Variants in EPHB1 observed in about 807,000 individuals in gnomAD.
EPHB1 encodes ephrin type-B receptor 1.
A neutral mutation model predicts 94.4 loss-of-function variants in EPHB1; 30 were observed. The ratio of observed to expected loss-of-function variants is 0.32; its 90% CI spans 0.24 to 0.43. The LOEUF (loss-of-function observed/expected upper bound fraction) is 0.43. Among genes scored for constraint, EPHB1 ranks in the 20% least tolerant of loss-of-function variants. The pLI, the probability that EPHB1 is intolerant of heterozygous loss-of-function variation, is 1.00. For missense variants in EPHB1, 1,055 were observed against 1,308.3 expected (o/e 0.81, Z 2.99); for synonymous variants, 522 against 489.1 (o/e 1.07, Z -0.89).
At chr3:134,949,209 T>C (rs1052041025) in intron 2 of EPHB1, among the ~76,000 whole-genome samples, 21 of 152,062 alleles carry the variant, frequency 1.4e-4, no homozygotes, top group African/African-American at 5.1e-4. Context: ...CAGGAGCTGA[T>C]CTGTTGGTGA....
chr3:135,135,325 C>T (rs547136179), intron 5 of EPHB1, among the ~76,000 whole-genome samples: 4 of 152,142 alleles, frequency 2.6e-5, no homozygotes, highest in South Asian at 2.1e-4. Flanking sequence ...AGGGTGCCAT[C>T]GCACTGATTT....
intron 15 of EPHB1, among the ~76,000 whole-genome samples, chr3:135,253,014 C>G (rs1347731114): frequency 7.1e-6 from 1 of 141,602 alleles, no homozygotes; most frequent in Non-Finnish European, 1.6e-5. Flanking sequence ...TAAATGTCTT[C>G]TTTTGAGAAG....
In EPHB1 at chr3:135,259,029, G is replaced by A; in HGVS notation, c.2864G>A (p.Gly955Asp). Residue 955 changes from glycine (G) to aspartate (D), a missense_variant, in exon 16 of 16, where the codon GGC becomes GAC. Transcript: ENST00000398015. ...CCTCCTAGAGACCTCCTGAGAATAGGCATCACCTTGGCAGGCCATCAGAAG... is the reference window on the plus strand; with the variant it reads ...CCTCCTAGAGACCTCCTGAGAATAGACATCACCTTGGCAGGCCATCAGAAG... ...QMTSEDLLRIGITLAGHQKKI... is the reference protein window; with the variant it reads ...QMTSEDLLRIDITLAGHQKKI... The A allele has an allele frequency of 2.5e-6, 4 of 1,608,164 alleles. No individual in the cohort carries two copies. Among genetic ancestry groups the A allele is most frequent in the Non-Finnish European group, 3.4e-6 (4 of 1,177,424 alleles).
At chr3:134,881,312 T>C (rs1489620586) in intron 1 of EPHB1, among the ~76,000 whole-genome samples, 1 of 152,066 alleles carries the variant, frequency 6.6e-6, no homozygotes, top group Non-Finnish European at 1.5e-5. Context: ...TGCAGTATGT[T>C]GTATGTAGAT....
chr3:135,035,179 G>A (rs544265788), intron 3 of EPHB1, among the ~76,000 whole-genome samples: 1 of 152,318 alleles, frequency 6.6e-6, no homozygotes, highest in East Asian at 1.9e-4. Context: ...CACGAAGTGG[G>A]GATGGGTTGT....
chr3:135,193,528 T>C (rs1942515340), intron 11 of EPHB1, among the ~76,000 whole-genome samples: 1 of 152,172 alleles, frequency 6.6e-6, no homozygotes, highest in South Asian at 2.1e-4. Context: ...AGAATGGCCA[T>C]GATGCTGATA....
At chr3:135,049,822 C>T (rs1220306536) in intron 3 of EPHB1, among the ~76,000 whole-genome samples, 1 of 152,160 alleles carries the variant, frequency 6.6e-6, no homozygotes, top group East Asian at 1.9e-4. Flanking sequence ...GGCCTCCTGT[C>T]CATGAGGAAC....
At chr3:134,906,778 T>C (rs2038341237) in intron 1 of EPHB1, among the ~76,000 whole-genome samples, 1 of 152,224 alleles carries the variant, frequency 6.6e-6, no homozygotes, top group South Asian at 2.1e-4. Context: ...TTGGAGAATG[T>C]GCTCCTGGGT....
intron 1 of EPHB1, among the ~76,000 whole-genome samples, chr3:134,903,965 T>G (rs902177229): frequency 2.6e-5 from 4 of 152,144 alleles, no homozygotes; most frequent in Admixed American, 6.5e-5. Context: ...TGTTTTTCAT[T>G]GATTGTGCAG....
rs376590235 is a variant in EPHB1, at chr3:135,005,633, G to A, written c.805+53581G>A. Reference sequence around the variant, plus strand: ...AGACTCCGTGGGTGTAGGACCCTCCGAGCCAGGTGCGGGATATAATCTCCT... The same window carrying A: ...AGACTCCGTGGGTGTAGGACCCTCCAAGCCAGGTGCGGGATATAATCTCCT... On this transcript the variant is annotated intron_variant, in intron 3 of 15. Coordinates refer to ENST00000398015, the MANE Select transcript of EPHB1 (RefSeq NM_004441.5). Among the ~76,000 whole-genome samples the A allele has an allele frequency of 4.5e-4, 68 of 152,344 alleles. No individual in the cohort carries two copies. In the East Asian group the frequency reaches 0.01, roughly 22 times the overall value.
chr3:135,156,479 C>A (rs1941359160), intron 6 of EPHB1, among the ~76,000 whole-genome samples: 1 of 152,200 alleles, frequency 6.6e-6, no homozygotes, highest in South Asian at 2.1e-4. Context: ...AGCCATGGAG[C>A]TGTGGTCCAA....
At chr3:135,234,511 C>T (rs143635393) in intron 12 of EPHB1, among the ~76,000 whole-genome samples, 53 of 152,360 alleles carry the variant, frequency 3.5e-4, no homozygotes, top group African/African-American at 1.1e-3. Context: ...GTCACTACCA[C>T]ATTTTCAGGT....
intron 1 of EPHB1, among the ~76,000 whole-genome samples, chr3:134,906,680 T>G (rs1002463777): frequency 2.0e-5 from 3 of 152,234 alleles, no homozygotes; most frequent in Admixed American, 6.5e-5. Flanking sequence ...TCCCAAAGCC[T>G]AACATATGAA....
intron 1 of EPHB1, among the ~76,000 whole-genome samples, chr3:134,898,359 C>T (rs2038127658): frequency 6.6e-6 from 1 of 152,158 alleles, no homozygotes; most frequent in African/African-American, 2.4e-5. Context: ...GGCTGAGAAG[C>T]TGAGTGTGTA....
chr3:135,042,242 T>C (rs141403769), intron 3 of EPHB1, among the ~76,000 whole-genome samples: 92 of 152,326 alleles, frequency 6.0e-4, no homozygotes, highest in African/African-American at 2.1e-3. Flanking sequence ...CATCTTTTTA[T>C]AGGGAACCCA....
At chr3:135,020,557 C>A (rs1321442325) in intron 3 of EPHB1, among the ~76,000 whole-genome samples, 2 of 152,098 alleles carry the variant, frequency 1.3e-5, no homozygotes. Context: ...TTTCTTTTGC[C>A]TAGCAAAATG....
chr3:135,003,295 C>G (rs1312923441), intron 3 of EPHB1, among the ~76,000 whole-genome samples: 1 of 151,878 alleles, frequency 6.6e-6, no homozygotes, highest in Non-Finnish European at 1.5e-5. Flanking sequence ...ATCCTGAGTT[C>G]TAGTTTGATT....
intron 3 of EPHB1, among the ~76,000 whole-genome samples, chr3:135,082,697 A>T (rs1239571032): frequency 6.6e-6 from 1 of 152,240 alleles, no homozygotes; most frequent in Non-Finnish European, 1.5e-5. Context: ...CCAGATAGTG[A>T]GATTCATGTG....
At chr3:135,136,613 A>T (rs555430598) in intron 5 of EPHB1, among the ~76,000 whole-genome samples, 17 of 152,218 alleles carry the variant, frequency 1.1e-4, no homozygotes, top group Non-Finnish European at 2.5e-4. Context: ...GCACCTCCCT[A>T]GGCTGCAGAT....
Sources: gnomAD v4.1 joint callset for allele counts (sites outside exome capture counted in the v4.1 genomes callset) on GRCh38, gnomAD v4.1.1 for gene constraint, MANE v1.5 for transcripts, NCBI Gene and HGNC (gene_info 2026-07-23, HGNC 2026-07-21) for gene names.